Variants in CTNNA3 observed in about 807,000 individuals in gnomAD.
The protein encoded by CTNNA3 is catenin alpha 3.
A neutral mutation model predicts 95.7 loss-of-function variants in CTNNA3; 76 were observed. The ratio of observed to expected loss-of-function variants is 0.79; its 90% CI spans 0.66 to 0.96. The LOEUF (loss-of-function observed/expected upper bound fraction) is 0.96. CTNNA3 is among the 40% of genes least tolerant of loss of function. The pLI, the probability that CTNNA3 is intolerant of heterozygous loss-of-function variation, is 0.00. For missense variants in CTNNA3, 1,191 were observed against 1,089.8 expected, an observed-to-expected ratio of 1.09 and a Z score of -1.31; for synonymous variants, 431 against 374.4, an observed-to-expected ratio of 1.15 and a Z score of -1.74.
chr10:67,648,487 T>C (rs1001344348), intron 1 of CTNNA3, among the ~76,000 whole-genome samples: 1 of 152,210 alleles, frequency 6.6e-6, no homozygotes, highest in Non-Finnish European at 1.5e-5. Flanking sequence ...CAGGGCCCCA[T>C]TTGCCCCTTC....
At chr10:66,163,679 T>G (rs1174993373) in intron 13 of CTNNA3, among the ~76,000 whole-genome samples, 1 of 152,144 alleles carries the variant, frequency 6.6e-6, no homozygotes, top group Non-Finnish European at 1.5e-5. Flanking sequence ...TCAGTTATAT[T>G]ATTATATATA....
At chr10:67,422,695 C>A (rs1195363203) in intron 5 of CTNNA3, among the ~76,000 whole-genome samples, 1 of 152,108 alleles carries the variant, frequency 6.6e-6, no homozygotes, top group Non-Finnish European at 1.5e-5. Context: ...TCTCTTTCTC[C>A]TGCTCCACCA....
intron 11 of CTNNA3, among the ~76,000 whole-genome samples, chr10:66,450,819 T>G (rs934814848): frequency 6.6e-6 from 1 of 152,152 alleles, no homozygotes; most frequent in African/African-American, 2.4e-5. Context: ...AATAGATTTG[T>G]AAAGATTTCT....
chr10:67,460,513 A>G (rs1353913688), intron 5 of CTNNA3, among the ~76,000 whole-genome samples: 1 of 152,236 alleles, frequency 6.6e-6, no homozygotes. Context: ...TACTGCAATT[A>G]GTAAAAATTA....
At chr10:67,234,424 C>A (rs534600044) in intron 5 of CTNNA3, among the ~76,000 whole-genome samples, 11 of 152,216 alleles carry the variant, frequency 7.2e-5, no homozygotes, top group Non-Finnish European at 1.5e-4. Context: ...ACATGATTAT[C>A]TCAACAGATG....
At chr10:67,243,596 G>T (rs1156766928) in intron 5 of CTNNA3, among the ~76,000 whole-genome samples, 1 of 152,138 alleles carries the variant, frequency 6.6e-6, no homozygotes, top group Non-Finnish European at 1.5e-5. Context: ...TTATAGACAA[G>T]CATGCTTCTC....
chr10:66,352,154 A>T (rs545124057), intron 12 of CTNNA3, among the ~76,000 whole-genome samples: 2 of 152,160 alleles, frequency 1.3e-5, no homozygotes, highest in East Asian at 3.9e-4. Context: ...AGCAAGCAAG[A>T]AGGTATCAAA....
Position 66,811,721 on chromosome 10 carries a change from T to C in CTNNA3, c.1048-36197A>G, listed in dbSNP as rs558142024. ...AATTTATACCATGTGCTAGGAATTG[T>C]GCATGATCGCTTTAATACATTTTTT... On this transcript the variant is annotated intron_variant, in intron 7 of 17. Coordinates refer to ENST00000433211, the MANE Select transcript of CTNNA3 (RefSeq NM_013266.4). Among the ~76,000 whole-genome samples the C allele has an allele frequency of 2.0e-5, 3 of 152,312 alleles. No individual in the cohort carries two copies. In the South Asian group the frequency reaches 6.2e-4, roughly 32 times the overall value.
chr10:66,166,398 G>A (rs180856671), intron 13 of CTNNA3, among the ~76,000 whole-genome samples: 1 of 151,058 alleles, frequency 6.6e-6, no homozygotes, highest in East Asian at 2.0e-4. Context: ...GGAGGCTGAA[G>A]CATGAGAATT....
chr10:67,088,327 G>A (rs967926696), intron 7 of CTNNA3, among the ~76,000 whole-genome samples: 5 of 151,606 alleles, frequency 3.3e-5, no homozygotes, highest in African/African-American at 1.2e-4. Flanking sequence ...ATTTCTCTTT[G>A]GTTTTGTAGA....
In CTNNA3 at chr10:67,681,144, C is replaced by T. The variant is rs182943632; in HGVS notation, c.-6+14856G>A. Reference sequence around the variant, plus strand: ...AGTGTTAATTCTCCCTGTTAAATGTCCACAGACCACTTGAGAACTTGATAA... The same window carrying T: ...AGTGTTAATTCTCCCTGTTAAATGTTCACAGACCACTTGAGAACTTGATAA... On this transcript the variant is annotated intron_variant, in intron 1 of 17. Transcript: ENST00000433211. 3.4e-3 allele frequency among the ~76,000 whole-genome samples: 520 copies of T among 152,180 alleles called. 1 individual carries two copies. The highest frequency in any genetic ancestry group is 0.017 in the Middle Eastern group (5 of 294).
intron 10 of CTNNA3, among the ~76,000 whole-genome samples, chr10:66,603,241 C>G (rs958406171): frequency 6.6e-5 from 10 of 152,044 alleles, no homozygotes; most frequent in Non-Finnish European, 1.2e-4. Context: ...TTTAGCAAAG[C>G]TTCAGGATAC....
At chr10:66,689,610 G>A (rs116692641) in intron 9 of CTNNA3, among the ~76,000 whole-genome samples, 2 of 152,150 alleles carry the variant, frequency 1.3e-5, no homozygotes, top group African/African-American at 2.4e-5. Context: ...AAGAGTCCTT[G>A]GAGACATTTA....
At chr10:66,560,339 C>G (rs1438534007) in intron 10 of CTNNA3, among the ~76,000 whole-genome samples, 2 of 146,276 alleles carry the variant, frequency 1.4e-5, no homozygotes, top group East Asian at 1.9e-4. Flanking sequence ...CCTCATGGCA[C>G]TGTTGTCATA....
intron 15 of CTNNA3, among the ~76,000 whole-genome samples, chr10:66,028,657 A>C (rs1166918548): frequency 6.6e-6 from 1 of 152,106 alleles, no homozygotes; most frequent in Non-Finnish European, 1.5e-5. Flanking sequence ...TGATGAGTTG[A>C]TGGGTGCAGC....
chr10:66,286,695 G>A (rs1197104227), intron 12 of CTNNA3, among the ~76,000 whole-genome samples: 10 of 151,952 alleles, frequency 6.6e-5, no homozygotes, highest in African/African-American at 2.4e-4. Flanking sequence ...TAGGAGAAAT[G>A]TATCTTCCTT....
intron 7 of CTNNA3, among the ~76,000 whole-genome samples, chr10:67,159,782 G>A (rs1429716491): frequency 2.6e-5 from 4 of 152,046 alleles, no homozygotes; most frequent in African/African-American, 4.8e-5. Flanking sequence ...GAAAAAAATA[G>A]GGGAAAAACT....
intron 11 of CTNNA3, among the ~76,000 whole-genome samples, chr10:66,422,184 C>T (rs1397746141): frequency 2.0e-5 from 3 of 151,960 alleles, no homozygotes; most frequent in Non-Finnish European, 4.4e-5. Flanking sequence ...GTAACTTATT[C>T]TGCTTTAGTT....
At chr10:67,064,156 T>C (rs1157554200) in intron 7 of CTNNA3, among the ~76,000 whole-genome samples, 1 of 152,202 alleles carries the variant, frequency 6.6e-6, no homozygotes, top group Non-Finnish European at 1.5e-5. Flanking sequence ...ATGAATATGA[T>C]AACTACTTAT....
Sources: gnomAD v4.1 joint callset for allele counts (sites outside exome capture counted in the v4.1 genomes callset) on GRCh38, gnomAD v4.1.1 for gene constraint, MANE v1.5 for transcripts, NCBI Gene and HGNC (gene_info 2026-07-23, HGNC 2026-07-21) for gene names.